The following MX2 variants were observed in gnomAD, a reference collection of about 807,000 sequenced individuals.
MX2 encodes MX dynamin like GTPase 2.
A neutral mutation model predicts 74.0 loss-of-function variants in MX2; 51 were observed. The ratio of observed to expected loss-of-function variants is 0.69; its 90% CI spans 0.55 to 0.87. The LOEUF is 0.87. Among genes scored for constraint, MX2 ranks in the 40% least tolerant of loss-of-function variants. MX2 has a pLI of 0.00. For missense variants in MX2, 832 were observed against 908.7 expected (o/e 0.92, Z 1.09); for synonymous variants, 369 against 339.3 (o/e 1.09, Z -0.96).
At chr21:41,381,893 C>T (rs983234801) in intron 4 of MX2, among the ~76,000 whole-genome samples, 3 of 152,148 alleles carry the variant, frequency 2.0e-5, no homozygotes, top group African/African-American at 7.2e-5. Flanking sequence ...TACTTAGTGT[C>T]CCTGTGACAT....
chr21:41,407,121 C>T, intron 13 of MX2, 123 bp downstream of exon 13: 1 of 979,730 alleles, frequency 1.0e-6, no homozygotes, highest in Non-Finnish European at 1.5e-6. Context: ...GTATTAAGCC[C>T]TTCTGTATTA....
chr21:41,407,668 A>G (rs916675203), intron 13 of MX2, among the ~76,000 whole-genome samples: 5 of 152,178 alleles, frequency 3.3e-5, no homozygotes, highest in African/African-American at 9.7e-5. Flanking sequence ...CCTGGTGCAT[A>G]CCCAGAAGGG....
At chr21:41,385,008 A>G (rs188145145) in intron 5 of MX2, among the ~76,000 whole-genome samples, 1 of 152,350 alleles carries the variant, frequency 6.6e-6, no homozygotes, top group East Asian at 1.9e-4. Flanking sequence ...CCCTGTTAAC[A>G]TGGAGTATAT....
Position 41,380,237 on chromosome 21 carries a change from C to T in MX2, c.577+86C>T, listed in dbSNP as rs912553404. 39 of 1,561,602 alleles carry T rather than the reference C, an allele frequency of 2.5e-5. 1 individual carries two copies. The African/African-American group carries it at 3.0e-4, about 12-fold the overall frequency. Reference sequence around the variant, plus strand: ...CTTCTCCTCTTCCTCAAGTCACCCCCACAGTGACCACTCAGCTCCTAGCCC... The same window carrying T: ...CTTCTCCTCTTCCTCAAGTCACCCCTACAGTGACCACTCAGCTCCTAGCCC... On this transcript the variant is annotated intron_variant, in intron 4 of 13. Coordinates refer to ENST00000330714, the MANE Select transcript of MX2 (RefSeq NM_002463.2). This position sits in a 1 kb window ranked among gnomAD's most constrained non-coding sequence, Gnocchi z 4.3.
At chr21:41,398,454 C>T (rs553942462) in intron 8 of MX2, among the ~76,000 whole-genome samples, 6 of 152,292 alleles carry the variant, frequency 3.9e-5, no homozygotes, top group Middle Eastern at 6.8e-3. Flanking sequence ...TTTGGTTTGG[C>T]GGTTATTGAG....
chr21:41,391,316 T>A (rs1488261467), intron 6 of MX2, among the ~76,000 whole-genome samples: 1 of 152,180 alleles, frequency 6.6e-6, no homozygotes, highest in Non-Finnish European at 1.5e-5. Flanking sequence ...TTAGTACTAC[T>A]TTTTAATAGT....
At position 41,388,567 on chromosome 21, in the gene MX2, G is replaced by A. The variant is rs1297853118; in HGVS notation, c.733-1998G>A. Among the ~76,000 whole-genome samples, 1 of 152,080 alleles carries A rather than the reference G, an allele frequency of 6.6e-6. No individual in the cohort carries two copies. The highest frequency in any genetic ancestry group is 1.5e-5 in the Non-Finnish European group (1 of 68,020). On this transcript the variant is annotated intron_variant, in intron 5 of 13. Coordinates refer to ENST00000330714, the MANE Select transcript of MX2 (RefSeq NM_002463.2). The surrounding 1 kb of genome is among the most constrained non-coding windows in gnomAD (Gnocchi z 4.0). ...TATGTCTCCATTGTGTTTATTGCCTGTCTCCCCTCCTGGGCTGTAAGGCTC... is the reference window on the plus strand; with the variant it reads ...TATGTCTCCATTGTGTTTATTGCCTATCTCCCCTCCTGGGCTGTAAGGCTC...
At chr21:41,392,696 A>T (rs866799211) in intron 6 of MX2, among the ~76,000 whole-genome samples, 1 of 152,142 alleles carries the variant, frequency 6.6e-6, no homozygotes, top group Admixed American at 6.5e-5. Flanking sequence ...TTGTAAAGAA[A>T]TTTTTTTTAA....
Position 41,368,784 on chromosome 21 carries a change from C to G in MX2, c.-72+6729C>G, listed in dbSNP as rs574874875. On this transcript the variant is annotated intron_variant, in intron 1 of 13. Coordinates refer to ENST00000330714, the MANE Select transcript of MX2 (RefSeq NM_002463.2). The surrounding 1 kb of genome is among the most constrained non-coding windows in gnomAD (Gnocchi z 4.6). The stretch of plus-strand genomic sequence containing the variant: ...GGAAGAAGTTGAGGCTGAGTTATCA[C>G]CTCCCATCAGCACTCGGTTTTGTTC... 6.6e-6 allele frequency among the ~76,000 whole-genome samples: 1 copy of G among 152,370 alleles called. No homozygotes were observed. The highest frequency in any genetic ancestry group is 2.4e-5 in the African/African-American group (1 of 41,582).
intron 6 of MX2, among the ~76,000 whole-genome samples, chr21:41,393,684 C>T (rs545008871): frequency 3.3e-5 from 5 of 151,316 alleles, no homozygotes; most frequent in East Asian, 1.9e-4. Flanking sequence ...TGATCTTATC[C>T]GGCTGTGGTT....
rs148820143 is a variant in MX2, at chr21:41,381,957, A to G, written c.578-453A>G. On this transcript the variant is annotated intron_variant, in intron 4 of 13. Coordinates refer to ENST00000330714, the MANE Select transcript of MX2 (RefSeq NM_002463.2). The stretch of plus-strand genomic sequence containing the variant: ...TCCAAAAGGAATCAAGGAGGAAGCC[A>G]TGATGCATTTAGGAACTAGTCACAC... Among the ~76,000 whole-genome samples, 417 of 152,360 alleles carry G rather than the reference A, an allele frequency of 2.7e-3. 3 individuals are homozygous for G. The highest frequency in any genetic ancestry group is 9.5e-3 in the African/African-American group (397 of 41,588).
chr21:41,397,164 A>G (rs888493948), intron 7 of MX2, among the ~76,000 whole-genome samples: 2 of 152,226 alleles, frequency 1.3e-5, no homozygotes, highest in African/African-American at 4.8e-5. Context: ...GCAGCAAGCA[A>G]ATGCAGCAAG....
intron 1 of MX2, among the ~76,000 whole-genome samples, chr21:41,371,431 T>C (rs1568931484): frequency 6.6e-6 from 1 of 152,072 alleles, no homozygotes; most frequent in Non-Finnish European, 1.5e-5. Context: ...GTCTGAAAAG[T>C]TTTTGCCTTG....
intron 8 of MX2, 132 bp from the exon 9 acceptor site, chr21:41,398,765 G>A (rs2089768348): frequency 7.9e-7 from 1 of 1,267,240 alleles, no homozygotes; most frequent in Non-Finnish European, 1.1e-6. Context: ...AGCACTTTGG[G>A]AGGCTGGGGC....
chr21:41,403,742 A>C, intron 12 of MX2: 1 of 449,772 alleles, frequency 2.2e-6, no homozygotes, highest in Non-Finnish European at 4.6e-6. Context: ...GTGGGTTTCT[A>C]CTTAGCAACT....
At chr21:41,375,024 T>C (rs978754687) in intron 1 of MX2, among the ~76,000 whole-genome samples, 3 of 152,228 alleles carry the variant, frequency 2.0e-5, no homozygotes, top group Non-Finnish European at 2.9e-5. Flanking sequence ...TCCTATTCCC[T>C]GAGCTCATTC....
At chr21:41,406,190 G>A (rs1415812266) in intron 12 of MX2, among the ~76,000 whole-genome samples, 1 of 152,078 alleles carries the variant, frequency 6.6e-6, no homozygotes, top group Non-Finnish European at 1.5e-5. Context: ...GTTTCACGAT[G>A]TTGGCCAGGT....
chr21:41,394,489 C>T (rs923682389), intron 6 of MX2, among the ~76,000 whole-genome samples: 1 of 152,202 alleles, frequency 6.6e-6, no homozygotes, highest in Admixed American at 6.5e-5. Flanking sequence ...CGGTCATTTG[C>T]CAGCACGTCA....
chr21:41,377,071 C>A lies in MX2; in HGVS notation c.165C>A (p.Asp55Glu). ...FPPNWQGAEK[D>E]AAFLAKDFNF... Reference sequence around the variant, plus strand: ...CAAACTGGCAGGGGGCAGAGAAGGACGCTGCTTTCCTCGCCAAGGACTTCA... The same window carrying A: ...CAAACTGGCAGGGGGCAGAGAAGGAAGCTGCTTTCCTCGCCAAGGACTTCA... The change falls in exon 2 of 14, where the codon GAC becomes GAA. Residue 55 changes from aspartate to glutamate, a missense_variant. Transcript: ENST00000330714. The A allele has an allele frequency of 1.2e-6, 2 of 1,614,214 alleles. No homozygotes were observed. The highest frequency in any genetic ancestry group is 3.3e-4 in the Middle Eastern group (2 of 6,062).
Sources: allele counts gnomAD v4.1 joint callset (sites outside exome capture counted in the v4.1 genomes callset), GRCh38; gene constraint gnomAD v4.1.1; non-coding constraint Gnocchi (gnomAD v3.1); transcripts MANE v1.5; gene names NCBI Gene and HGNC (gene_info 2026-07-23, HGNC 2026-07-21).